Variants in ULK4 observed in about 807,000 individuals in gnomAD.
ULK4 encodes the protein unc-51 like kinase 4, also known as inactive serine/threonine-protein kinase ULK4.
ULK4 carries 133 observed loss-of-function variants against 160.6 expected under a neutral mutation model. That is an observed-to-expected ratio of 0.83 (90% CI 0.72 to 0.96). The LOEUF (loss-of-function observed/expected upper bound fraction) is 0.96, where lower values mean the gene tolerates loss of function less well. Among genes scored for constraint, ULK4 ranks in the 40% least tolerant of loss-of-function variants. ULK4 has a pLI of 0.00. For synonymous variants in ULK4, 534 were observed against 539.8 expected (o/e 0.99, Z 0.15); for missense variants, 1,580 against 1,499.5 (o/e 1.05, Z -0.89).
At chr3:41,838,695 C>A (rs943020273) in intron 17 of ULK4, among the ~76,000 whole-genome samples, 2 of 152,118 alleles carry the variant, frequency 1.3e-5, no homozygotes, top group Admixed American at 6.6e-5. Context: ...TAAATTCATA[C>A]CAATCCTAAA....
rs754403076 is a variant in ULK4, at chr3:41,721,013, C to T, written c.2322-3152G>A. On this transcript the variant is annotated intron_variant, in intron 22 of 36. Coordinates refer to ENST00000301831, the MANE Select transcript of ULK4 (RefSeq NM_017886.4). ...TAAAATATGGTACATAATTAGAATG[C>T]GGCTGTCAAAAAGAAGCAGCCCTTT... Among the ~76,000 whole-genome samples the T allele has an allele frequency of 8.1e-4, 123 of 151,910 alleles. 1 individual carries two copies. Among genetic ancestry groups the T allele is most frequent in the Admixed American group, 2.4e-3 (36 of 15,244 alleles).
intron 4 of ULK4, among the ~76,000 whole-genome samples, chr3:41,932,807 G>T (rs147890572): frequency 6.6e-6 from 1 of 152,172 alleles, no homozygotes; most frequent in East Asian, 1.9e-4. Flanking sequence ...ACTTTGGAAG[G>T]CTGAGGCAGG....
chr3:41,375,147 T>G (rs1013099779), intron 35 of ULK4, among the ~76,000 whole-genome samples: 1 of 152,116 alleles, frequency 6.6e-6, no homozygotes, highest in East Asian at 1.9e-4. Flanking sequence ...CATAAACAAA[T>G]GGAAAAACAT....
rs1027133679 is a variant in ULK4 at position 41,486,341 on chromosome 3, G to C, written c.3227-23088C>G. The stretch of plus-strand genomic sequence containing the variant: ...TTCATTCTAGAAATTTGTTGCCAAT[G>C]AATCATTAGAAAACCCATCAATGAA... On this transcript the variant is annotated intron_variant, in intron 32 of 36. Transcript: ENST00000301831. 5.9e-5 allele frequency among the ~76,000 whole-genome samples: 9 copies of C among 152,206 alleles called. No individual in the cohort carries two copies. The South Asian group carries it at 6.2e-4, about 11-fold the overall frequency.
intron 2 of ULK4, among the ~76,000 whole-genome samples, chr3:41,940,274 T>C (rs1699909239): frequency 6.6e-6 from 1 of 152,096 alleles, no homozygotes; most frequent in African/African-American, 2.4e-5. Context: ...TTTCCTGTTA[T>C]ATGAACCCCT....
At chr3:41,919,688 G>C in intron 6 of ULK4, 29 bp downstream of exon 6, 7 of 1,579,488 alleles carry the variant, frequency 4.4e-6, no homozygotes, top group Non-Finnish European at 6.1e-6. Context: ...GTCCAGCTCT[G>C]ATTTTATACC....
chr3:41,883,431 T>C (rs1168848825), intron 17 of ULK4, among the ~76,000 whole-genome samples: 2 of 152,194 alleles, frequency 1.3e-5, no homozygotes, highest in African/African-American at 4.8e-5. Context: ...TAAAACTCCA[T>C]TACCAATTAA....
At chr3:41,505,105 TATCTGC>T (rs1237102294) in intron 32 of ULK4, among the ~76,000 whole-genome samples, 1 of 152,224 alleles carries the variant, frequency 6.6e-6, no homozygotes, top group Non-Finnish European at 1.5e-5. Context: ...AGTAAGCTAC[TATCTGC>T]ATATATAAAC....
At chr3:41,454,409 G>A (rs1559614421) in intron 34 of ULK4, among the ~76,000 whole-genome samples, 2 of 150,488 alleles carry the variant, frequency 1.3e-5, no homozygotes, top group Non-Finnish European at 3.0e-5. Flanking sequence ...GCGTGGTGGT[G>A]GGCACCTGTA....
At chr3:41,341,469 G>A (rs1178131825) in intron 35 of ULK4, among the ~76,000 whole-genome samples, 1 of 152,208 alleles carries the variant, frequency 6.6e-6, no homozygotes, top group Non-Finnish European at 1.5e-5. Flanking sequence ...GGCTTGGAAT[G>A]CATTTTGAAT....
At chr3:41,482,592 C>T (rs2084367263) in intron 32 of ULK4, among the ~76,000 whole-genome samples, 1 of 152,134 alleles carries the variant, frequency 6.6e-6, no homozygotes, top group Non-Finnish European at 1.5e-5. Flanking sequence ...AGGTAAGAGT[C>T]CTAAGCAACA....
At chr3:41,641,673 C>A (rs1312162069) in intron 30 of ULK4, among the ~76,000 whole-genome samples, 1 of 152,160 alleles carries the variant, frequency 6.6e-6, no homozygotes, top group Admixed American at 6.5e-5. Context: ...CCAGAGCAGG[C>A]TGAGAGACTC....
rs75323791 is a variant in ULK4, at chr3:41,332,791, C to T, written c.3678+65288G>A. Among the ~76,000 whole-genome samples, 37 of 152,198 alleles carry T rather than the reference C, an allele frequency of 2.4e-4. No homozygotes were observed. The East Asian group carries it at 7.2e-3, about 29-fold the overall frequency. On this transcript the variant is annotated intron_variant, in intron 35 of 36. Coordinates refer to ENST00000301831, the MANE Select transcript of ULK4 (RefSeq NM_017886.4). ...AGTACCCAATGGTTAGTTTTCAACC[C>T]TCTCCCCTGACTCCCTTCCTTCCCC...
chr3:41,823,361 G>A (rs796649483), intron 18 of ULK4, among the ~76,000 whole-genome samples: 1 of 152,212 alleles, frequency 6.6e-6, no homozygotes, highest in Non-Finnish European at 1.5e-5. Context: ...AGGTTCTGAA[G>A]AGCCAGCCCA....
Position 41,266,481 on chromosome 3 carries a change from G to C in ULK4, c.3679-16907C>G, listed in dbSNP as rs73827990. Reference sequence around the variant, plus strand: ...AGAGCACTGAGACCACTGAGACCAAGAGAGACTCCCTCCCAGTCCAGGTGA... The same window carrying C: ...AGAGCACTGAGACCACTGAGACCAACAGAGACTCCCTCCCAGTCCAGGTGA... On this transcript the variant is annotated intron_variant, in intron 35 of 36. Coordinates refer to ENST00000301831, the MANE Select transcript of ULK4 (RefSeq NM_017886.4). 4.1e-3 allele frequency among the ~76,000 whole-genome samples: 619 copies of C among 151,684 alleles called. 6 individuals are homozygous for C. The highest frequency in any genetic ancestry group is 0.015 in the African/African-American group (605 of 40,968).
intron 16 of ULK4, among the ~76,000 whole-genome samples, chr3:41,892,289 G>A (rs1017742952): frequency 2.6e-5 from 4 of 152,090 alleles, no homozygotes; most frequent in South Asian, 2.1e-4. Flanking sequence ...ACAATCACAC[G>A]AAAAGATGTT....
intron 35 of ULK4, among the ~76,000 whole-genome samples, chr3:41,306,479 G>A (rs1384056423): frequency 6.9e-6 from 1 of 145,470 alleles, no homozygotes; most frequent in African/African-American, 2.6e-5. Flanking sequence ...GAGGTGGGGG[G>A]GTCAGCCCCC....
chr3:41,351,684 C>T (rs1371743878), intron 35 of ULK4, among the ~76,000 whole-genome samples: 2 of 152,204 alleles, frequency 1.3e-5, no homozygotes, highest in Non-Finnish European at 2.9e-5. Context: ...AAGTTTCTGC[C>T]TTTCCAAATG....
At chr3:41,640,680 T>C (rs1381515507) in intron 30 of ULK4, among the ~76,000 whole-genome samples, 1 of 152,188 alleles carries the variant, frequency 6.6e-6, no homozygotes, top group African/African-American at 2.4e-5. Flanking sequence ...GCCAAAGGCA[T>C]AGTGTACCTG....
Sources: gnomAD v4.1 joint callset for allele counts (sites outside exome capture counted in the v4.1 genomes callset) on GRCh38, gnomAD v4.1.1 for gene constraint, MANE v1.5 for transcripts, NCBI Gene and HGNC (gene_info 2026-07-23, HGNC 2026-07-21) for gene names.